RABEP1: variants seen among roughly 807,000 people sequenced by gnomAD.
The protein encoded by RABEP1 is rab GTPase-binding effector protein 1.
A neutral mutation model predicts 123.4 loss-of-function variants in RABEP1; 51 were observed. The ratio of observed to expected loss-of-function variants is 0.41; its 90% CI spans 0.33 to 0.52. The LOEUF is 0.52. Among genes scored for constraint, RABEP1 ranks in the 20% least tolerant of loss-of-function variants. The probability of loss-of-function intolerance (pLI) is 0.16; values close to 1 mark genes in which losing one functional copy is unlikely to be tolerated. For missense variants in RABEP1, 888 were observed against 996.3 expected, an observed-to-expected ratio of 0.89 and a Z score of 1.46; for synonymous variants, 347 against 355.2, an observed-to-expected ratio of 0.98 and a Z score of 0.26.
At chr17:5,373,537 T>C (rs1910702603) in intron 13 of RABEP1, 83 bp downstream of exon 13, 3 of 1,416,306 alleles carry the variant, frequency 2.1e-6, no homozygotes, top group Non-Finnish European at 1.9e-6. Flanking sequence ...AACAGTTTTA[T>C]TCAGATATAA....
At chr17:5,361,844 G>C (rs886229879) in intron 9 of RABEP1, 169 bp downstream of exon 9, 2 of 604,102 alleles carry the variant, frequency 3.3e-6, no homozygotes. Context: ...TCTGCCTTGG[G>C]TATTCCAGGT....
At chr17:5,381,582 C>T (rs752806764) in intron 17 of RABEP1, 77 bp downstream of exon 17, 29 of 1,523,316 alleles carry the variant, frequency 1.9e-5, no homozygotes, top group Non-Finnish European at 2.5e-5. Flanking sequence ...CCTGACTTGA[C>T]CACTGGCAGT....
chr17:5,311,814 A>G (rs1223376744), intron 2 of RABEP1, among the ~76,000 whole-genome samples: 1 of 152,074 alleles, frequency 6.6e-6, no homozygotes, highest in East Asian at 1.9e-4. Context: ...CTGGATGCAT[A>G]TTATTTACTG....
At chr17:5,367,318 C>T (rs928856599) in intron 11 of RABEP1, among the ~76,000 whole-genome samples, 4 of 151,874 alleles carry the variant, frequency 2.6e-5, no homozygotes, top group South Asian at 2.1e-4. Flanking sequence ...GTCGCCCAGG[C>T]TAGAGTGCAG....
At chr17:5,357,472 A>C (rs1225198465) in intron 8 of RABEP1, among the ~76,000 whole-genome samples, 1 of 151,926 alleles carries the variant, frequency 6.6e-6, no homozygotes, top group South Asian at 2.1e-4. Context: ...CTTGGGTTCA[A>C]GCGATTCTCG....
At chr17:5,367,320 A>G (rs145760229) in intron 11 of RABEP1, among the ~76,000 whole-genome samples, 6,664 of 151,662 alleles carry the variant, frequency 0.044, 332 homozygotes, top group African/African-American at 0.12. Flanking sequence ...CGCCCAGGCT[A>G]GAGTGCAGTG....
intron 11 of RABEP1, among the ~76,000 whole-genome samples, chr17:5,366,413 G>A (rs1361689612): frequency 6.6e-6 from 1 of 152,018 alleles, no homozygotes; most frequent in Admixed American, 6.6e-5. Flanking sequence ...TTTGGTGATA[G>A]GTGTTGCAGG....
rs1317200538 is a variant in RABEP1, at chr17:5,385,278, A to C, written c.*2055A>C. 4.3e-6 allele frequency: 1 copy of C among 230,806 alleles called. No homozygotes were observed. Among genetic ancestry groups the C allele is most frequent in the Non-Finnish European group, 8.6e-6 (1 of 116,662 alleles). The allele number at this position is 230,806 out of a possible 1,614,324, so 14.3% of individuals were successfully genotyped here. A position where few individuals can be genotyped will look rare whatever the true frequency, so the allele number is the denominator to read the frequency against. On this transcript the variant is annotated 3_prime_UTR_variant, in exon 18 of 18. Coordinates refer to ENST00000537505, the MANE Select transcript of RABEP1 (RefSeq NM_004703.6). ...GGGTTTTCAGCATAAATGGGAACTGATGTAGAAGGCAGGATTTAGCCCTTC... is the reference window on the plus strand; with the variant it reads ...GGGTTTTCAGCATAAATGGGAACTGCTGTAGAAGGCAGGATTTAGCCCTTC...
intron 1 of RABEP1, among the ~76,000 whole-genome samples, chr17:5,304,909 A>G (rs1198764192): frequency 6.6e-6 from 1 of 152,196 alleles, no homozygotes; most frequent in South Asian, 2.1e-4. Context: ...TTTGATCACT[A>G]CTTTTTTTCT....
At position 5,332,157 on chromosome 17, in the gene RABEP1, A is replaced by C. The variant is rs776577862; in HGVS notation, c.367+5A>C. On this transcript the variant is annotated splice_donor_5th_base_variant and intron_variant, in intron 3 of 17. Transcript: ENST00000537505. ...CACTTCAGGCTGTTATGAAAGGTAA[A>C]GACAGAGAAAGATCAATTTTGTGAT... The C allele has an allele frequency of 6.8e-6, 11 of 1,610,264 alleles. No individual in the cohort carries two copies. In the South Asian group the frequency reaches 1.2e-4, roughly 18 times the overall value.
chr17:5,367,325 GCA>G (rs1567547782), intron 11 of RABEP1, among the ~76,000 whole-genome samples: 8 of 151,724 alleles, frequency 5.3e-5, no homozygotes, highest in Middle Eastern at 6.8e-3. Context: ...AGGCTAGAGT[GCA>G]GTGGCACGAT....
At chr17:5,369,230 T>G (rs1040528403) in intron 12 of RABEP1, among the ~76,000 whole-genome samples, 3 of 152,148 alleles carry the variant, frequency 2.0e-5, no homozygotes, top group Non-Finnish European at 2.9e-5. Context: ...GGCAGAGTGT[T>G]ATGAGCAAGT....
intron 7 of RABEP1, among the ~76,000 whole-genome samples, chr17:5,351,632 C>CAAT (rs936884109): frequency 1.3e-5 from 2 of 151,986 alleles, no homozygotes; most frequent in Admixed American, 1.3e-4. Context: ...TCTGTTTCTA[C>CAAT]AATAATAATA....
At chr17:5,369,023 C>T (rs773850491) in intron 12 of RABEP1, among the ~76,000 whole-genome samples, 20 of 152,030 alleles carry the variant, frequency 1.3e-4, no homozygotes, top group Non-Finnish European at 1.8e-4. Context: ...GCAGGAGAAG[C>T]GCTTGAACCT....
intron 1 of RABEP1, among the ~76,000 whole-genome samples, chr17:5,282,794 T>C (rs1179314279): frequency 6.7e-6 from 1 of 148,438 alleles, no homozygotes; most frequent in South Asian, 2.1e-4. Flanking sequence ...CGTGGGGTAG[T>C]GTGGGGAGGG....
chr17:5,381,141 G>C (rs540873179), intron 16 of RABEP1, among the ~76,000 whole-genome samples: 5 of 152,250 alleles, frequency 3.3e-5, no homozygotes, highest in Non-Finnish European at 5.9e-5. Flanking sequence ...TGCTGGGGGT[G>C]GGGGAGGGCA....
At chr17:5,290,553 A>G (rs1157079689) in intron 1 of RABEP1, among the ~76,000 whole-genome samples, 1 of 152,164 alleles carries the variant, frequency 6.6e-6, no homozygotes, top group Non-Finnish European at 1.5e-5. Flanking sequence ...TACAATTAAG[A>G]TAAATTAATG....
rs1162244515 is a variant in RABEP1, at chr17:5,385,003, C to G, written c.*1780C>G. On this transcript the variant is annotated 3_prime_UTR_variant, in exon 18 of 18. Transcript: ENST00000537505. Reference sequence around the variant, plus strand: ...CCTTTCTGAACTGACTGAACTAGAGCTTGCAGTGAAGTGTTCTGCTGAGAC... The same window carrying G: ...CCTTTCTGAACTGACTGAACTAGAGGTTGCAGTGAAGTGTTCTGCTGAGAC... The G allele has an allele frequency of 1.3e-5, 3 of 228,752 alleles. No homozygotes were observed. The highest frequency in any genetic ancestry group is 2.6e-5 in the Non-Finnish European group (3 of 115,474). 14.2% of individuals were successfully genotyped at this position (228,752 alleles called of 1,614,324 possible).
intron 1 of RABEP1, among the ~76,000 whole-genome samples, chr17:5,297,852 C>T (rs992402899): frequency 6.6e-6 from 1 of 152,160 alleles, no homozygotes; most frequent in African/African-American, 2.4e-5. Context: ...TATGGCTTCT[C>T]ATATAATAGT....
Sources: allele counts gnomAD v4.1 joint callset (sites outside exome capture counted in the v4.1 genomes callset), GRCh38; gene constraint gnomAD v4.1.1; transcripts MANE v1.5; gene names NCBI Gene and HGNC (gene_info 2026-07-23, HGNC 2026-07-21).